The following MTUS2 variants were observed in gnomAD, a reference collection of about 807,000 sequenced individuals.
MTUS2 encodes the protein microtubule associated scaffold protein 2.
In MTUS2, 40 loss-of-function variants were observed where a neutral mutation model predicts 114.1. That is an observed-to-expected ratio of 0.35 (90% CI 0.27 to 0.46). MTUS2 has a LOEUF of 0.46. Ranked by LOEUF, MTUS2 falls within the 20% of genes least tolerant of loss-of-function variation. The probability of loss-of-function intolerance (pLI) is 1.00; values close to 1 mark genes in which losing one functional copy is unlikely to be tolerated. For missense variants in MTUS2, 1,679 were observed against 1,705.4 expected, an observed-to-expected ratio of 0.98 and a Z score of 0.27; for synonymous variants, 688 against 672.0, an observed-to-expected ratio of 1.02 and a Z score of -0.37.
At chr13:28,938,678 G>A (rs1250158710) in intron 2 of MTUS2, among the ~76,000 whole-genome samples, 1 of 152,042 alleles carries the variant, frequency 6.6e-6, no homozygotes, top group Non-Finnish European at 1.5e-5. Context: ...AGAAATAGAA[G>A]GGAACTTATT....
At chr13:29,342,842 G>T (rs1901466750) in intron 7 of MTUS2, among the ~76,000 whole-genome samples, 2 of 152,074 alleles carry the variant, frequency 1.3e-5, no homozygotes, top group South Asian at 4.2e-4. Flanking sequence ...TTTCTGTGCT[G>T]ATTTTGCTGA....
intron 3 of MTUS2, among the ~76,000 whole-genome samples, chr13:29,032,181 G>A (rs949582817): frequency 3.3e-5 from 5 of 152,034 alleles, no homozygotes; most frequent in Non-Finnish European, 7.4e-5. Context: ...GACATCAAAG[G>A]CGCAGTTTTC....
chr13:29,235,531 A>G (rs1276774811), intron 5 of MTUS2, among the ~76,000 whole-genome samples: 1 of 152,192 alleles, frequency 6.6e-6, no homozygotes, highest in Admixed American at 6.5e-5. Context: ...TGCTTCTAGT[A>G]TTTGTTAATC....
At chr13:29,476,689 A>G (rs1206653422) in intron 9 of MTUS2, 3 of 152,156 alleles carry the variant, frequency 2.0e-5, no homozygotes, top group Non-Finnish European at 4.4e-5. Flanking sequence ...TCTCCCACCC[A>G]TAATGCTGCC....
chr13:29,492,649 T>C lies in MTUS2; in HGVS notation c.3509T>C (p.Leu1170Ser). Reference sequence around the variant, plus strand: ...CAATTTAATGTCTTCTTTCCAGAATTGATGTCCACTCATGAGCTTGAAAAG... The same window carrying C: ...CAATTTAATGTCTTCTTTCCAGAATCGATGTCCACTCATGAGCTTGAAAAG... The part of the protein sequence containing the change: ...QDDHDHKVQE[L>S]MSTHELEKKE... The change falls in exon 12 of 16, where the codon TTG becomes TCG. Residue 1170 changes from leucine to serine, a missense_variant. Around this residue, in one of 3 missense-constraint regions of MTUS2, gnomAD observed 822 missense variants for 899.7 expected, o/e 0.91. Coordinates refer to ENST00000612955, the MANE Select transcript of MTUS2 (RefSeq NM_001033602.4). The C allele has an allele frequency of 6.2e-7, 1 of 1,612,734 alleles. No homozygotes were observed. The highest frequency in any genetic ancestry group is 2.2e-5 in the East Asian group (1 of 44,874).
chr13:29,008,059 C>T (rs1317804061), intron 2 of MTUS2, among the ~76,000 whole-genome samples: 4 of 152,154 alleles, frequency 2.6e-5, no homozygotes, highest in South Asian at 4.1e-4. Flanking sequence ...TAGTAAATGC[C>T]GCATGAGGCT....
At chr13:29,438,752 A>G (rs1472377329) in intron 8 of MTUS2, among the ~76,000 whole-genome samples, 1 of 152,166 alleles carries the variant, frequency 6.6e-6, no homozygotes, top group African/African-American at 2.4e-5. Flanking sequence ...GGAAACTATT[A>G]GCTAATAATT....
At chr13:29,010,508 C>T (rs1036917353) in intron 2 of MTUS2, among the ~76,000 whole-genome samples, 1 of 152,072 alleles carries the variant, frequency 6.6e-6, no homozygotes, top group Non-Finnish European at 1.5e-5. Flanking sequence ...CTAACACGTC[C>T]TTGGCCTACA....
chr13:29,146,497 T>G (rs1444011358), intron 5 of MTUS2, among the ~76,000 whole-genome samples: 1 of 152,244 alleles, frequency 6.6e-6, no homozygotes, highest in East Asian at 1.9e-4. Flanking sequence ...CAATTCATAC[T>G]ACAGATTACT....
Position 29,317,203 on chromosome 13 carries a change from A to G in MTUS2, c.2807-7410A>G, listed in dbSNP as rs201070966. 7.2e-5 allele frequency among the ~76,000 whole-genome samples: 11 copies of G among 152,322 alleles called. No homozygotes were observed. In the East Asian group the frequency reaches 2.1e-3, roughly 29 times the overall value. ...CCTTAAATTCCTAGCTACAATTTCTACCTTCATGCATGCAGTACATGTGTG... is the reference window on the plus strand; with the variant it reads ...CCTTAAATTCCTAGCTACAATTTCTGCCTTCATGCATGCAGTACATGTGTG... On this transcript the variant is annotated intron_variant, in intron 6 of 15. Transcript: ENST00000612955.
rs1275097304 is a variant in MTUS2, at chr13:29,307,557, G to C, written c.2807-17056G>C. 4.0e-6 allele frequency: 5 copies of C among 1,246,306 alleles called. No homozygotes were observed. In the African/African-American group the frequency reaches 7.4e-5, roughly 18 times the overall value. The allele number at this position is 1,246,306 out of a possible 1,614,324, so 77.2% of individuals were successfully genotyped here. ...CTGCCAAATATGATGACATCAAGAA[G>C]GTGGTAAAGCAGGTGTCAGAGGGCC... On this transcript the variant is annotated intron_variant, in intron 6 of 15. Transcript: ENST00000612955.
intron 7 of MTUS2, among the ~76,000 whole-genome samples, chr13:29,336,460 C>G (rs1302151414): frequency 1.3e-5 from 2 of 152,332 alleles, no homozygotes; most frequent in African/African-American, 2.4e-5. Context: ...GCCTGGGTAT[C>G]ACGAGCGGAG....
At chr13:29,027,987 C>T (rs1886640033) in intron 3 of MTUS2, among the ~76,000 whole-genome samples, 1 of 152,192 alleles carries the variant, frequency 6.6e-6, no homozygotes, top group African/African-American at 2.4e-5. Flanking sequence ...TATGGTGAGT[C>T]ATCCTTCGAG....
intron 5 of MTUS2, among the ~76,000 whole-genome samples, chr13:29,236,317 A>G (rs1476657811): frequency 6.6e-6 from 1 of 152,154 alleles, no homozygotes; most frequent in African/African-American, 2.4e-5. Context: ...GATATGTTCT[A>G]TTACATAATT....
chr13:29,251,285 G>GGAT (rs200534984), intron 5 of MTUS2, among the ~76,000 whole-genome samples: 5,315 of 74,900 alleles, frequency 0.071, 257 homozygotes, highest in South Asian at 0.33. Flanking sequence ...TGTGAAAATG[G>GGAT]GATGATGATA....
chr13:29,432,854 G>T (rs893942999), intron 8 of MTUS2, among the ~76,000 whole-genome samples: 1 of 152,162 alleles, frequency 6.6e-6, no homozygotes, highest in Non-Finnish European at 1.5e-5. Flanking sequence ...TATTTACCTT[G>T]TCTCTAAATT....
intron 7 of MTUS2, chr13:29,339,643 A>AT: frequency 6.0e-6 from 1 of 167,068 alleles, no homozygotes; most frequent in Non-Finnish European, 1.3e-5. Context: ...GAGCCTCAGA[A>AT]AAGTCCGGCC....
At chr13:29,332,926 C>T (rs914122987) in intron 7 of MTUS2, among the ~76,000 whole-genome samples, 10 of 152,152 alleles carry the variant, frequency 6.6e-5, no homozygotes, top group Admixed American at 6.5e-5. Flanking sequence ...TGAGCCACCG[C>T]GCCCGGCCTT....
chr13:29,023,039 A>G (rs1593391276), intron 2 of MTUS2, among the ~76,000 whole-genome samples: 1 of 152,202 alleles, frequency 6.6e-6, no homozygotes, highest in Non-Finnish European at 1.5e-5. Context: ...GATACTACAA[A>G]TCCATCATTA....
Sources: allele counts gnomAD v4.1 joint callset (sites outside exome capture counted in the v4.1 genomes callset), GRCh38; gene constraint gnomAD v4.1.1; regional missense constraint gnomAD v4.1.1; transcripts MANE v1.5; gene names NCBI Gene and HGNC (gene_info 2026-07-23, HGNC 2026-07-21).